RIMKLB: variants seen among roughly 807,000 people sequenced by gnomAD.
RIMKLB encodes the protein ribosomal modification protein rimK like family member B.
A neutral mutation model predicts 32.0 loss-of-function variants in RIMKLB; 7 were observed. The observed-to-expected ratio is 0.22, with a 90% CI of 0.12 to 0.41. The LOEUF is 0.41. Among genes scored for constraint, RIMKLB ranks in the 10% least tolerant of loss-of-function variants. The pLI is 1.00. For synonymous variants in RIMKLB, 172 were observed against 185.1 expected, an observed-to-expected ratio of 0.93 and a Z score of 0.57; for missense variants, 289 against 498.7, an observed-to-expected ratio of 0.58 and a Z score of 4.00.
intron 4 of RIMKLB, among the ~76,000 whole-genome samples, chr12:8,753,623 A>C (rs984267614): frequency 1.3e-5 from 2 of 152,226 alleles, no homozygotes; most frequent in Non-Finnish European, 2.9e-5. Flanking sequence ...GGAGAAGTAC[A>C]AATCTAGACC....
chr12:8,690,426 G>A (rs919884073), intron 1 of RIMKLB, among the ~76,000 whole-genome samples: 2 of 152,154 alleles, frequency 1.3e-5, no homozygotes, highest in African/African-American at 4.8e-5. Context: ...TGATATCTAA[G>A]TAAAACTTTA....
At chr12:8,728,059 T>A (rs1328935208) in intron 2 of RIMKLB, among the ~76,000 whole-genome samples, 2 of 152,234 alleles carry the variant, frequency 1.3e-5, no homozygotes, top group African/African-American at 4.8e-5. Flanking sequence ...ACTTGTTGTA[T>A]GCATTTTGGT....
At chr12:8,707,635 G>T (rs1269291415) in intron 1 of RIMKLB, among the ~76,000 whole-genome samples, 1 of 152,162 alleles carries the variant, frequency 6.6e-6, no homozygotes, top group Non-Finnish European at 1.5e-5. Flanking sequence ...GAGACGGAAG[G>T]TTCCAACCCT....
chr12:8,715,246 T>TTTTTTTTTTTTTTTTTTTTG (rs1555153656), intron 2 of RIMKLB, among the ~76,000 whole-genome samples: 1 of 148,284 alleles, frequency 6.7e-6, no homozygotes, highest in African/African-American at 2.6e-5. Context: ...TTTTTTTTTT[T>TTTTTTTTTTTTTTTTTTTTG]GGAGACAGGG....
At chr12:8,698,711 C>CG (rs1943095803) in intron 1 of RIMKLB, among the ~76,000 whole-genome samples, 6 of 146,360 alleles carry the variant, frequency 4.1e-5, no homozygotes, top group Non-Finnish European at 6.1e-5. Context: ...TCCCCCTCCC[C>CG]CCCCTTCCCA....
chr12:8,669,294 A>G, the RIMKLB span, among the ~76,000 whole-genome samples: 1 of 152,248 alleles, frequency 6.6e-6, no homozygotes, highest in Admixed American at 6.5e-5. Context: ...ACTAATTACT[A>G]TGGGGAGAAC....
intron 1 of RIMKLB, among the ~76,000 whole-genome samples, chr12:8,704,999 C>CACAA (rs35908223): frequency 2.0e-5 from 3 of 151,540 alleles, no homozygotes; most frequent in Non-Finnish European, 4.4e-5. Context: ...CACACACACA[C>CACAA]AAAACCCCAA....
chr12:8,701,041 G>A (rs945717998), intron 1 of RIMKLB, among the ~76,000 whole-genome samples: 1 of 151,998 alleles, frequency 6.6e-6, no homozygotes, highest in Non-Finnish European at 1.5e-5. Context: ...ACTCCAGCTT[G>A]GGCAACAGAG....
At chr12:8,782,126 T>G (rs1172532689), downstream of RIMKLB, among the ~76,000 whole-genome samples, 1 of 132,938 alleles carries the variant, frequency 7.5e-6, no homozygotes, top group Non-Finnish European at 1.7e-5. Context: ...GCTTTAGAAC[T>G]GAAAGAAAAT....
intron 1 of RIMKLB, among the ~76,000 whole-genome samples, chr12:8,710,164 T>G (rs1257639268): frequency 6.6e-6 from 1 of 151,604 alleles, no homozygotes; most frequent in Non-Finnish European, 1.5e-5. Context: ...TTTTTTTTTT[T>G]GTATTTTTAG....
In RIMKLB at chr12:8,701,897, C is replaced by T. The variant is rs996199350; in HGVS notation, c.-57+3600C>T. ...GTGTGCGTCTGTAATCTCAGCTACT[C>T]GGGGGGGCTGAGGCAGGAGAATTGC... is the stretch of plus-strand genomic sequence containing the variant. On this transcript the variant is annotated intron_variant, in intron 1 of 5. Transcript: ENST00000535829. Among the ~76,000 whole-genome samples the T allele has an allele frequency of 2.1e-4, 31 of 150,936 alleles. 1 individual carries two copies. The highest frequency in any genetic ancestry group is 6.8e-3 in the Middle Eastern group (2 of 292).
At chr12:8,730,359 A>T (rs1489783699) in intron 2 of RIMKLB, among the ~76,000 whole-genome samples, 1 of 152,208 alleles carries the variant, frequency 6.6e-6, no homozygotes, top group African/African-American at 2.4e-5. Context: ...AAGTGCTGGG[A>T]TTACAGGCAT....
downstream of RIMKLB, among the ~76,000 whole-genome samples, chr12:8,781,223 C>A (rs1189849912): frequency 2.6e-5 from 4 of 152,114 alleles, no homozygotes; most frequent in Admixed American, 2.6e-4. Flanking sequence ...CACTTGTAAT[C>A]CCAGCTACGC....
At chr12:8,733,360 T>C (rs113561470) in intron 2 of RIMKLB, among the ~76,000 whole-genome samples, 4,999 of 152,142 alleles carry the variant, frequency 0.033, 274 homozygotes, top group African/African-American at 0.11. Flanking sequence ...TGCCACATCT[T>C]AACTCAGGAT....
chr12:8,711,070 A>G (rs936369488), intron 1 of RIMKLB, among the ~76,000 whole-genome samples: 5 of 151,150 alleles, frequency 3.3e-5, no homozygotes, highest in Non-Finnish European at 5.9e-5. Flanking sequence ...TACTAAAAAG[A>G]GAAAAGTACG....
chr12:8,729,081 G>A (rs2137249351), intron 2 of RIMKLB, among the ~76,000 whole-genome samples: 1 of 152,272 alleles, frequency 6.6e-6, no homozygotes, highest in South Asian at 2.1e-4. Context: ...CCGCCACAGT[G>A]TGTAGGGGAG....
At chr12:8,702,375 A>G (rs914536732) in intron 1 of RIMKLB, among the ~76,000 whole-genome samples, 3 of 152,360 alleles carry the variant, frequency 2.0e-5, no homozygotes, top group South Asian at 4.1e-4. Context: ...AAACATTTAC[A>G]TGCCTGATTA....
chr12:8,718,103 A>G (rs930570405), intron 2 of RIMKLB, among the ~76,000 whole-genome samples: 1 of 152,052 alleles, frequency 6.6e-6, no homozygotes, highest in Non-Finnish European at 1.5e-5. Context: ...CAACTATCCC[A>G]CTGTAGTCAA....
chr12:8,735,230 A>T lies in RIMKLB; in HGVS notation c.176-14632A>T, dbSNP rs185841153. On this transcript the variant is annotated intron_variant, in intron 2 of 5. Transcript: ENST00000535829. ...AGCAATATTTATCAAGCAGGCTAAA[A>T]TTTTTTTTTTTCTTTTTTACATGGA... 4.8e-3 allele frequency among the ~76,000 whole-genome samples: 718 copies of T among 148,724 alleles called. 2 individuals are homozygous for T. Among genetic ancestry groups the T allele is most frequent in the Middle Eastern group, 0.01 (3 of 290 alleles).
Sources: gnomAD v4.1 joint callset for allele counts (sites outside exome capture counted in the v4.1 genomes callset) on GRCh38, gnomAD v4.1.1 for gene constraint, MANE v1.5 for transcripts, NCBI Gene and HGNC (gene_info 2026-07-23, HGNC 2026-07-21) for gene names.